HHLA1: variants seen among roughly 807,000 people sequenced by gnomAD.
HHLA1 encodes the protein HHLA1 neighbor of OC90.
In HHLA1, 72 loss-of-function variants were observed where a neutral mutation model predicts 69.9. The observed-to-expected ratio is 1.03, with a 90% confidence interval of 0.85 to 1.25. HHLA1 has a LOEUF of 1.25. Among genes scored for constraint, HHLA1 ranks in the 50% most tolerant of loss-of-function variants. The pLI, the probability that HHLA1 is intolerant of heterozygous loss-of-function variation, is 0.00. For missense variants in HHLA1, 685 were observed against 642.2 expected, an observed-to-expected ratio of 1.07 and a Z score of -0.72; for synonymous variants, 252 against 233.2, an observed-to-expected ratio of 1.08 and a Z score of -0.73.
At chr8:132,099,037 C>T in intron 4 of HHLA1, 75 bp from the exon 5 acceptor site, 1 of 1,127,096 alleles carries the variant, frequency 8.9e-7, no homozygotes, top group Non-Finnish European at 1.3e-6. Context: ...TTCCAAACTT[C>T]AGGCAGATAT....
rs985959222 is a variant in HHLA1 at position 132,083,064 on chromosome 8, A to G, written c.677-3098T>C. Among the ~76,000 whole-genome samples, 8 of 151,728 alleles carry G rather than the reference A, an allele frequency of 5.3e-5. No homozygotes were observed. In the East Asian group the frequency reaches 9.7e-4, roughly 18 times the overall value. On this transcript the variant is annotated intron_variant, in intron 10 of 16. Coordinates refer to ENST00000414222, the MANE Select transcript of HHLA1 (RefSeq NM_001145095.3). ...TGGTCGCCAAGGAGGGAGTAGAGGTATCTTATACTTGTGGGTTAAGGTGGG... is the reference window on the plus strand; with the variant it reads ...TGGTCGCCAAGGAGGGAGTAGAGGTGTCTTATACTTGTGGGTTAAGGTGGG...
intron 7 of HHLA1, among the ~76,000 whole-genome samples, chr8:132,092,636 C>T (rs1586732325): frequency 6.6e-6 from 1 of 152,300 alleles, no homozygotes; most frequent in African/African-American, 2.4e-5. Context: ...TCTACTTCCC[C>T]TCTGCCATGA....
rs971134423 is a variant in HHLA1 at position 132,070,271 on chromosome 8, C to T, written c.1469+1069G>A. 23 of 699,024 alleles carry T rather than the reference C, an allele frequency of 3.3e-5. 1 individual carries two copies. The highest frequency in any genetic ancestry group is 3.2e-4 in the African/African-American group (18 of 57,002). 43.3% of individuals were successfully genotyped at this position (699,024 alleles called of 1,614,324 possible). On this transcript the variant is annotated intron_variant, in intron 15 of 16. Transcript: ENST00000414222. ...ATAACAGTATGTCAGCATTGTAGGA[C>T]AGAAAATGTCCATGTCTAGACCTTC... is the stretch of plus-strand genomic sequence containing the variant.
intron 10 of HHLA1, chr8:132,080,616 T>C (rs1339592213): frequency 6.2e-6 from 1 of 161,806 alleles, no homozygotes. Context: ...CTTCAGTTAC[T>C]TCAGGCCATC....
intron 12 of HHLA1, 60 bp downstream of exon 12, chr8:132,077,666 A>G: frequency 6.6e-7 from 1 of 1,506,342 alleles, no homozygotes; most frequent in Non-Finnish European, 9.0e-7. Context: ...AGTTTATCAA[A>G]ACAGACAATG....
chr8:132,076,437 C>CCCCCCCCCCCAA, intron 13 of HHLA1, 38 bp downstream of exon 13: 1 of 1,142,758 alleles, frequency 8.8e-7, no homozygotes, highest in African/African-American at 1.6e-5. Context: ...CTCCCATCCC[C>CCCCCCCCCCCAA]CACCCCCAAA....
At chr8:132,101,418 TG>T in intron 3 of HHLA1, 1 of 1,118,414 alleles carries the variant, frequency 8.9e-7, no homozygotes, top group Non-Finnish European at 1.2e-6. Context: ...TACCTAAATT[TG>T]ATGTACCATA....
chr8:132,070,943 C>G (rs1823528664), intron 15 of HHLA1, among the ~76,000 whole-genome samples: 1 of 152,080 alleles, frequency 6.6e-6, no homozygotes, highest in African/African-American at 2.4e-5. Flanking sequence ...CAATTCATCT[C>G]AACTGATCAC....
Position 132,089,583 on chromosome 8 carries a change from C to T in HHLA1, c.465G>A (p.Leu155=), listed in dbSNP as rs576414896. 2 of 1,494,312 alleles carry T rather than the reference C, an allele frequency of 1.3e-6. No individual in the cohort carries two copies. Among genetic ancestry groups the T allele is most frequent in the East Asian group, 4.9e-5 (2 of 40,714 alleles). 92.6% of individuals were successfully genotyped at this position (1,494,312 alleles called of 1,614,324 possible). A position where few individuals can be genotyped will look rare whatever the true frequency, so the allele number is the denominator to read the frequency against. ...TGGTAGAATTGCCGATGATATCTAC[C>T]AGTAGAGCTGTAAAATCTGCAAGAC... ...TNDLSDFTAL[L]VDIIGNSTSY... Residue 155 remains leucine (L), a synonymous_variant, in exon 8 of 17, where the codon CTG becomes CTA. Transcript: ENST00000414222.
intron 10 of HHLA1, among the ~76,000 whole-genome samples, chr8:132,087,158 T>C (rs1229698211): frequency 6.6e-6 from 1 of 151,896 alleles, no homozygotes; most frequent in Non-Finnish European, 1.5e-5. Flanking sequence ...GCAAATAGGG[T>C]TCTGAAATAT....
chr8:132,092,578 C>A (rs905256602), intron 7 of HHLA1, among the ~76,000 whole-genome samples: 1 of 152,052 alleles, frequency 6.6e-6, no homozygotes, highest in Non-Finnish European at 1.5e-5. Flanking sequence ...AACACCTTTC[C>A]CCTTGTTCTC....
At chr8:132,068,104 G>C (rs1176897798) in intron 15 of HHLA1, among the ~76,000 whole-genome samples, 1 of 152,132 alleles carries the variant, frequency 6.6e-6, no homozygotes, top group Admixed American at 6.5e-5. Context: ...GCAACTTTGG[G>C]GCATGATCTG....
intron 4 of HHLA1, 53 bp from the exon 5 acceptor site, chr8:132,099,015 A>G: frequency 7.5e-7 from 1 of 1,324,818 alleles, no homozygotes; most frequent in Non-Finnish European, 1.0e-6. Context: ...GGCAAGAGAA[A>G]AAGTTTCTCA....
intron 11 of HHLA1, among the ~76,000 whole-genome samples, chr8:132,079,462 G>A (rs139870578): frequency 5.3e-5 from 8 of 152,322 alleles, no homozygotes; most frequent in African/African-American, 1.9e-4. Flanking sequence ...AAGTCTTCGT[G>A]AGTCTTAAAC....
chr8:132,064,110 C>G (rs1334584591), intron 16 of HHLA1, 72 bp from the exon 17 acceptor site: 7 of 975,836 alleles, frequency 7.2e-6, no homozygotes, highest in Non-Finnish European at 9.9e-6. Context: ...TAAATTAAAC[C>G]CTGATGTCGC....
intron 15 of HHLA1, chr8:132,069,529 C>A (rs1354808798): frequency 6.6e-6 from 1 of 152,288 alleles, no homozygotes; most frequent in East Asian, 1.9e-4. Context: ...CAAGCCCAAG[C>A]AAACAGGTGC....
rs943879101 is a variant in HHLA1, at chr8:132,104,287, T to C, written c.80-120A>G. ...TATGATCTGGGGTTGTGAAGTGACA[T>C]TTAGTCCCGCATCTAGTTTGTTCAT... On this transcript the variant is annotated intron_variant, in intron 2 of 16. Transcript: ENST00000414222. 32 of 676,136 alleles carry C rather than the reference T, an allele frequency of 4.7e-5. 1 individual carries two copies. Among genetic ancestry groups the C allele is most frequent in the Non-Finnish European group, 7.7e-5 (30 of 392,022 alleles). The allele number at this position is 676,136 out of a possible 1,614,324, so 41.9% of individuals were successfully genotyped here.
intron 9 of HHLA1, 23 bp downstream of exon 9, chr8:132,087,821 GT>G: frequency 6.5e-7 from 1 of 1,548,390 alleles, no homozygotes; most frequent in African/African-American, 1.4e-5. Context: ...CAGAGAGCTT[GT>G]CAAAGAATGT....
chr8:132,091,842 A>G (rs1048812402), intron 7 of HHLA1, among the ~76,000 whole-genome samples: 18 of 152,208 alleles, frequency 1.2e-4, no homozygotes, highest in African/African-American at 4.3e-4. Flanking sequence ...GGCAATTCAA[A>G]TCATTATAAT....
Sources: gnomAD v4.1 joint callset for allele counts (sites outside exome capture counted in the v4.1 genomes callset) on GRCh38, gnomAD v4.1.1 for gene constraint, MANE v1.5 for transcripts, NCBI Gene and HGNC (gene_info 2026-07-23, HGNC 2026-07-21) for gene names.